The following TAF9 variants were observed in gnomAD, a reference collection of about 807,000 sequenced individuals.
TAF9 encodes TATA-box binding protein associated factor 9.
A neutral mutation model predicts 16.5 loss-of-function variants in TAF9; 10 were observed. The observed-to-expected ratio is 0.61, with a 90% CI of 0.37 to 1.03. The LOEUF is 1.03. TAF9 is among the 50% of genes least tolerant of loss of function. The pLI, the probability that TAF9 is intolerant of heterozygous loss-of-function variation, is 0.01. For synonymous variants in TAF9, 105 were observed against 120.5 expected (o/e 0.87, Z 0.84); for missense variants, 288 against 319.1 (o/e 0.90, Z 0.74).
Position 69,369,415 on chromosome 5 carries a change from C to T in TAF9, c.-111+48G>A, listed in dbSNP as rs749418443. The T allele has an allele frequency of 8.1e-6, 13 of 1,597,814 alleles. No individual in the cohort carries two copies. The East Asian group carries it at 2.9e-4, about 36-fold the overall frequency. ...GGCGCCCGATGCCCAGAGCACTCTG[C>T]GCCCCCAGCCTGCCCCAGCCCAGTC... On this transcript the variant is annotated intron_variant, in intron 1 of 2. Transcript: ENST00000217893.
rs1762373287 is a variant in TAF9, at chr5:69,365,302, G to C, written c.436C>G (p.Pro146Ala). The change falls in exon 3 of 3, where the codon CCG becomes GCG. Residue 146 changes from proline (P) to alanine (A), a missense_variant. Pro to Ala is a conservative substitution (Grantham distance 27). Transcript: ENST00000217893. ...ASTSAGRITV[P>A]RLSVGSVTSR... ...GTAACTGAACCAACACTTAACCGCG[G>C]GACTGTTATTCTTCCCGCAGAAGTT... 1.2e-6 allele frequency: 2 copies of C among 1,614,078 alleles called. No homozygotes were observed. The highest frequency in any genetic ancestry group is 1.7e-6 in the Non-Finnish European group (2 of 1,180,014).
intron 1 of TAF9, chr5:69,369,231 C>G (rs1057503631): frequency 4.0e-5 from 4 of 99,358 alleles, no homozygotes; most frequent in South Asian, 2.8e-4. Flanking sequence ...TCTCCACCCC[C>G]CCCCGCCCCC....
At chr5:69,367,877 G>A (rs538762596) in intron 1 of TAF9, 2 of 152,300 alleles carry the variant, frequency 1.3e-5, no homozygotes, top group African/African-American at 4.8e-5. Context: ...TTTAAAAACT[G>A]TTCATGGCCA....
At position 69,369,452 on chromosome 5, in the gene TAF9, C is replaced by G. The variant is rs757608595; in HGVS notation, c.-111+11G>C. 8.1e-6 allele frequency: 13 copies of G among 1,610,326 alleles called. No homozygotes were observed. The African/African-American group carries it at 1.7e-4, about 22-fold the overall frequency. On this transcript the variant is annotated intron_variant, in intron 1 of 2. Coordinates refer to ENST00000217893, the MANE Select transcript of TAF9 (RefSeq NM_003187.5). The stretch of plus-strand genomic sequence containing the variant: ...GCCCCAGCCCAGTCCCTCCCGGCCG[C>G]GCGCCCTGACCGGTGAGCAGGATGT...
chr5:69,369,302 G>A (rs985105423), intron 1 of TAF9, 161 bp downstream of exon 1: 17 of 283,420 alleles, frequency 6.0e-5, no homozygotes, highest in Non-Finnish European at 7.5e-5. Context: ...CTCCCGCAAC[G>A]CCCGCGAGGG....
At chr5:69,366,632 A>C in intron 1 of TAF9, 37 bp from the exon 2 acceptor site, 1 of 1,447,468 alleles carries the variant, frequency 6.9e-7, no homozygotes, top group Non-Finnish European at 9.7e-7. Flanking sequence ...TGTTTGTGAA[A>C]TACTACTTAT....
chr5:69,364,878 G>T lies in TAF9; in HGVS notation c.*65C>A, dbSNP rs1762346591. 1.4e-6 allele frequency: 2 copies of T among 1,390,444 alleles called. No individual in the cohort carries two copies. Among genetic ancestry groups the T allele is most frequent in the Admixed American group, 2.0e-5 (1 of 50,186 alleles). The allele number at this position is 1,390,444 out of a possible 1,614,324, so 86.1% of individuals were successfully genotyped here. ...AACACAACTTGAAAACATCCAGCAT[G>T]CATGTTTAATATCAGTACAATGAAT... On this transcript the variant is annotated 3_prime_UTR_variant, in exon 3 of 3. Coordinates refer to ENST00000217893, the MANE Select transcript of TAF9 (RefSeq NM_003187.5).
chr5:69,369,457 C>T lies in TAF9; in HGVS notation c.-111+6G>A. The T allele has an allele frequency of 6.2e-7, 1 of 1,610,518 alleles. No homozygotes were observed. The highest frequency in any genetic ancestry group is 1.1e-5 in the South Asian group (1 of 90,818). The stretch of plus-strand genomic sequence containing the variant: ...AGCCCAGTCCCTCCCGGCCGCGCGC[C>T]CTGACCGGTGAGCAGGATGTTCGGA... On this transcript the variant is annotated splice_donor_region_variant and intron_variant, in intron 1 of 2. Transcript: ENST00000217893.
At chr5:69,367,308 T>G (rs1449459089) in intron 1 of TAF9, among the ~76,000 whole-genome samples, 3 of 151,656 alleles carry the variant, frequency 2.0e-5, no homozygotes, top group East Asian at 2.0e-4. Flanking sequence ...GTCAGGAGAT[T>G]GAGACAATCC....
chr5:69,365,885 T>C lies in TAF9; in HGVS notation c.-17-131A>G, dbSNP rs1212146189. On this transcript the variant is annotated intron_variant, in intron 2 of 2. Coordinates refer to ENST00000217893, the MANE Select transcript of TAF9 (RefSeq NM_003187.5). ...AAAAAAATTTTTAAAATTTAAACCA[T>C]ATGTTTTCTTAATTTTAATGAGGCA... 8 of 573,062 alleles carry C rather than the reference T, an allele frequency of 1.4e-5. No individual in the cohort carries two copies. The South Asian group carries it at 2.5e-4, about 18-fold the overall frequency. The allele number at this position is 573,062 out of a possible 1,614,324, so 35.5% of individuals were successfully genotyped here.
intron 1 of TAF9, among the ~76,000 whole-genome samples, chr5:69,367,360 A>G (rs1288759908): frequency 6.6e-6 from 1 of 151,732 alleles, no homozygotes; most frequent in Non-Finnish European, 1.5e-5. Context: ...AAATACAAAA[A>G]TTAGCCGGGC....
rs1187256185 is a variant in TAF9, at chr5:69,365,758, T to C, written c.-17-4A>G. ...TCCATGATATCCGATGATCAGACTT[T>C]AGATCATTTGAAAAAAATATGTACA... On this transcript the variant is annotated splice_region_variant and splice_polypyrimidine_tract_variant and intron_variant, in intron 2 of 2. Transcript: ENST00000217893. 1.3e-6 allele frequency: 2 copies of C among 1,502,622 alleles called. No homozygotes were observed. Among genetic ancestry groups the C allele is most frequent in the African/African-American group, 1.4e-5 (1 of 71,682 alleles). The allele number at this position is 1,502,622 out of a possible 1,614,324, so 93.1% of individuals were successfully genotyped here. A position where few individuals can be genotyped will look rare whatever the true frequency, so the allele number is the denominator to read the frequency against.
intron 1 of TAF9, 61 bp downstream of exon 1, chr5:69,369,402 C>T: frequency 6.3e-7 from 1 of 1,591,316 alleles, no homozygotes; most frequent in Non-Finnish European, 8.6e-7. Flanking sequence ...CGCCCGATGC[C>T]CAGAGCACTC....
In TAF9 at chr5:69,365,750, T is replaced by A. The variant is rs766505255; in HGVS notation, c.-13A>T. The A allele has an allele frequency of 5.9e-6, 9 of 1,521,690 alleles. No individual in the cohort carries two copies. Among genetic ancestry groups the A allele is most frequent in the Middle Eastern group, 1.8e-4 (1 of 5,636 alleles). 94.3% of individuals were successfully genotyped at this position (1,521,690 alleles called of 1,614,324 possible). ...TGCCAGACTCCATGATATCCGATGA[T>A]CAGACTTTAGATCATTTGAAAAAAA... On this transcript the variant is annotated 5_prime_UTR_variant, in exon 3 of 3. An upstream open reading frame in the 5' UTR loses its in-frame stop. Transcript: ENST00000217893.
In TAF9 at chr5:69,365,155, G is replaced by T; in HGVS notation, c.583C>A (p.Gln195Lys). 6.2e-7 allele frequency: 1 copy of T among 1,614,232 alleles called. No homozygotes were observed. Among genetic ancestry groups the T allele is most frequent in the Non-Finnish European group, 8.5e-7 (1 of 1,180,038 alleles). ...ATTGAAGCTTTTACAGCTGGAGACT[G>T]AGAAGTAGGCATCTGTACTGTAAAC... Reference protein sequence around the residue: ...QRFTVQMPTSQSPAVKASIPA... With the variant: ...QRFTVQMPTSKSPAVKASIPA... Residue 195 changes from glutamine (Q) to lysine (K), a missense_variant, in exon 3 of 3, where the codon CAG becomes AAG. Coordinates refer to ENST00000217893, the MANE Select transcript of TAF9 (RefSeq NM_003187.5).
chr5:69,365,605 G>T lies in TAF9; in HGVS notation c.133C>A (p.Arg45=). 1 of 1,614,004 alleles carries T rather than the reference G, an allele frequency of 6.2e-7. No individual in the cohort carries two copies. The highest frequency in any genetic ancestry group is 8.5e-7 in the Non-Finnish European group (1 of 1,179,994). The change falls in exon 3 of 3, where the codon CGA becomes AGA. Residue 45 remains arginine (R), a synonymous_variant. Coordinates refer to ENST00000217893, the MANE Select transcript of TAF9 (RefSeq NM_003187.5). The stretch of plus-strand genomic sequence containing the variant: ...TCATCTAGAATTGTGGTCACATATC[G>T]GAAGGCAAACTCCAACATCTGATTT... ...VINQMLEFAF[R]YVTTILDDAK... is the part of the protein sequence containing the mutation.
At position 69,369,234 on chromosome 5, in the gene TAF9, CCG is replaced by C. The variant is rs140300083; in HGVS notation, c.-111+227_-111+228del. 5.3e-4 allele frequency: 38 copies of C among 71,062 alleles called. 3 individuals are homozygous for C. Among genetic ancestry groups the C allele is most frequent in the South Asian group, 3.0e-3 (8 of 2,674 alleles). The allele number at this position is 71,062 out of a possible 1,614,324, so 4.4% of individuals were successfully genotyped here. ...TCTGCCGACCTCTCTCCACCCCCCCCCGCCCCCCCCCGGAGCCTCAGGCCAAC... is the reference window on the plus strand; with the variant it reads ...TCTGCCGACCTCTCTCCACCCCCCCCCCCCCCCCCGGAGCCTCAGGCCAAC... On this transcript the variant is annotated intron_variant, in intron 1 of 2. Coordinates refer to ENST00000217893, the MANE Select transcript of TAF9 (RefSeq NM_003187.5).
intron 1 of TAF9, among the ~76,000 whole-genome samples, chr5:69,367,649 C>T (rs1317718903): frequency 6.6e-6 from 1 of 152,008 alleles, no homozygotes; most frequent in Non-Finnish European, 1.5e-5. Flanking sequence ...ACCTCCTGGG[C>T]TCAAGCAATC....
intron 1 of TAF9, among the ~76,000 whole-genome samples, chr5:69,368,103 A>G (rs555687201): frequency 7.9e-5 from 12 of 152,294 alleles, no homozygotes; most frequent in Admixed American, 1.3e-4. Context: ...AGAGATAACC[A>G]CTGTAAACCA....
Sources: gnomAD v4.1 joint callset for allele counts (sites outside exome capture counted in the v4.1 genomes callset) on GRCh38, gnomAD v4.1.1 for gene constraint, MANE v1.5 for transcripts, NCBI Gene and HGNC (gene_info 2026-07-23, HGNC 2026-07-21) for gene names.